Variants in MRTFB observed in about 807,000 individuals in gnomAD.
MRTFB encodes the protein myocardin related transcription factor B, also known as myocardin-related transcription factor B.
Under a neutral mutation model 104.2 loss-of-function variants are expected in MRTFB, and 29 were observed. That is an observed-to-expected ratio of 0.28 (90% CI 0.21 to 0.38). The LOEUF is 0.38. Ranked by LOEUF, MRTFB falls within the 10% of genes least tolerant of loss-of-function variation. The pLI is 1.00. For missense variants in MRTFB, 1,270 were observed against 1,341.6 expected, an observed-to-expected ratio of 0.95 and a Z score of 0.83; for synonymous variants, 535 against 519.5, an observed-to-expected ratio of 1.03 and a Z score of -0.41.
the MRTFB span, among the ~76,000 whole-genome samples, chr16:14,062,632 T>A: frequency 3.3e-5 from 5 of 152,152 alleles, no homozygotes; most frequent in Admixed American, 6.6e-5. Context: ...GTCGACGTCC[T>A]TGGATGGAAA....
At chr16:14,036,509 C>T in the MRTFB span, among the ~76,000 whole-genome samples, 2 of 147,070 alleles carry the variant, frequency 1.4e-5, no homozygotes, top group South Asian at 2.1e-4. Flanking sequence ...GAAATATATA[C>T]ATTCCATCAT....
At chr16:14,024,429 G>T in the MRTFB span, among the ~76,000 whole-genome samples, 1 of 152,160 alleles carries the variant, frequency 6.6e-6, no homozygotes, top group African/African-American at 2.4e-5. Flanking sequence ...ATCAAGTGTT[G>T]CTGTGGCTGT....
chr16:14,122,316 G>A (rs2036891066), intron 2 of MRTFB, among the ~76,000 whole-genome samples: 1 of 151,320 alleles, frequency 6.6e-6, no homozygotes, highest in Non-Finnish European at 1.5e-5. Flanking sequence ...TTAAGTTCTG[G>A]GGTACATGTG....
rs2034165844 is a variant in MRTFB at position 14,077,979 on chromosome 16, C to G, written c.-128-1311C>G. On this transcript the variant is annotated intron_variant, in intron 1 of 16. Coordinates refer to ENST00000571589, the MANE Select transcript of MRTFB (RefSeq NM_001308142.2). ...CAAATTCAGCCTGGCGTTCAAGGCC[C>G]CCTCCTGCTTCTAGCCTTGCTGCCT... Among the ~76,000 whole-genome samples, 6 of 152,246 alleles carry G rather than the reference C, an allele frequency of 3.9e-5. No individual in the cohort carries two copies. The South Asian group carries it at 1.2e-3, about 32-fold the overall frequency.
At chr16:14,081,629 G>C (rs140515701) in intron 2 of MRTFB, among the ~76,000 whole-genome samples, 1 of 151,546 alleles carries the variant, frequency 6.6e-6, no homozygotes, top group African/African-American at 2.4e-5. Context: ...TACCAGGCTA[G>C]AGTGCAGTGG....
the MRTFB span, among the ~76,000 whole-genome samples, chr16:14,017,712 T>TATATA: frequency 0.015 from 151 of 9,932 alleles, 16 homozygotes; most frequent in East Asian, 0.049. Context: ...TATATATATA[T>TATATA]TTTTTTTTTT....
chr16:14,227,707 T>G (rs2042072606), intron 8 of MRTFB, among the ~76,000 whole-genome samples: 1 of 152,068 alleles, frequency 6.6e-6, no homozygotes, highest in Admixed American at 6.6e-5. Flanking sequence ...AGACAGGGTT[T>G]CACCATGTTG....
intron 3 of MRTFB, among the ~76,000 whole-genome samples, chr16:14,178,246 T>C (rs918967639): frequency 1.3e-4 from 20 of 152,126 alleles, no homozygotes; most frequent in Admixed American, 9.8e-4. Context: ...CTGTAGCATT[T>C]ATGTCTGAAG....
At chr16:14,217,378 C>A in intron 7 of MRTFB, 91 bp downstream of exon 7, 1 of 1,074,990 alleles carries the variant, frequency 9.3e-7, no homozygotes, top group Non-Finnish European at 1.3e-6. Context: ...TAGCACCGAT[C>A]GTGAGTATTG....
intron 3 of MRTFB, among the ~76,000 whole-genome samples, chr16:14,195,803 A>G (rs2040407338): frequency 6.6e-6 from 1 of 152,256 alleles, no homozygotes; most frequent in African/African-American, 2.4e-5. Context: ...GATGGAGTGT[A>G]GAATTTTTTA....
the MRTFB span, among the ~76,000 whole-genome samples, chr16:13,995,279 G>A: frequency 6.6e-6 from 1 of 152,152 alleles, no homozygotes; most frequent in African/African-American, 2.4e-5. Context: ...TCTAAGGTCT[G>A]ATACCATTCC....
chr16:14,150,534 A>G (rs1387753245), intron 3 of MRTFB, among the ~76,000 whole-genome samples: 2 of 152,186 alleles, frequency 1.3e-5, no homozygotes, highest in African/African-American at 4.8e-5. Flanking sequence ...TAAGCTGGAG[A>G]CAAGAAAATG....
At chr16:14,246,064 CTT>C (rs914999354) in intron 11 of MRTFB, among the ~76,000 whole-genome samples, 1 of 151,734 alleles carries the variant, frequency 6.6e-6, no homozygotes, top group African/African-American at 2.4e-5. Flanking sequence ...CAGCCTCTCT[CTT>C]CTTTGCCTCC....
chr16:14,079,135 C>A (rs1596713630), intron 1 of MRTFB, among the ~76,000 whole-genome samples, 155 bp from the exon 2 acceptor site: 1 of 152,226 alleles, frequency 6.6e-6, no homozygotes, highest in Non-Finnish European at 1.5e-5. Flanking sequence ...GTTACATTTT[C>A]AAATTTTTAC....
At chr16:14,160,448 G>C (rs1370548833) in intron 3 of MRTFB, among the ~76,000 whole-genome samples, 1 of 152,058 alleles carries the variant, frequency 6.6e-6, no homozygotes, top group African/African-American at 2.4e-5. Flanking sequence ...TTGATCACTT[G>C]GTTAAGGTGG....
At position 14,187,136 on chromosome 16, in the gene MRTFB, G is replaced by T. The variant is rs77936200; in HGVS notation, c.155-23107G>T. 1,020 of 899,592 alleles carry T rather than the reference G, an allele frequency of 1.1e-3. 4 individuals carry two copies. In the African/African-American group the frequency reaches 0.015, roughly 14 times the overall value. The allele number at this position is 899,592 out of a possible 1,614,324, so 55.7% of individuals were successfully genotyped here. Reference sequence around the variant, plus strand: ...ACCATGCTATGTGTCTGCTCTCTCTGTTCACTCATGTACCTTACACATTCT... The same window carrying T: ...ACCATGCTATGTGTCTGCTCTCTCTTTTCACTCATGTACCTTACACATTCT... On this transcript the variant is annotated intron_variant, in intron 3 of 16. Coordinates refer to ENST00000571589, the MANE Select transcript of MRTFB (RefSeq NM_001308142.2).
At chr16:14,098,690 T>C (rs2035530986) in intron 2 of MRTFB, among the ~76,000 whole-genome samples, 1 of 152,252 alleles carries the variant, frequency 6.6e-6, no homozygotes, top group Non-Finnish European at 1.5e-5. Flanking sequence ...AGTTTTGGGT[T>C]TACACTTTGG....
At chr16:14,015,781 G>A in the MRTFB span, 4 of 397,026 alleles carry the variant, frequency 1.0e-5, no homozygotes, top group African/African-American at 8.2e-5. Flanking sequence ...TAAAGATGCA[G>A]GCTCACTCCC....
intron 2 of MRTFB, among the ~76,000 whole-genome samples, chr16:14,119,747 T>A (rs1407018099): frequency 6.6e-6 from 1 of 152,164 alleles, no homozygotes; most frequent in Non-Finnish European, 1.5e-5. Flanking sequence ...GTATAAGTGA[T>A]TGTATTTTGG....
Sources: gnomAD v4.1 joint callset for allele counts (sites outside exome capture counted in the v4.1 genomes callset) on GRCh38, gnomAD v4.1.1 for gene constraint, MANE v1.5 for transcripts, NCBI Gene and HGNC (gene_info 2026-07-23, HGNC 2026-07-21) for gene names.